BRINP3: variants seen among roughly 807,000 people sequenced by gnomAD.
BRINP3 encodes the protein BMP/retinoic acid inducible neural specific 3, also known as BMP/retinoic acid-inducible neural-specific protein 3.
Under a neutral mutation model 71.0 loss-of-function variants are expected in BRINP3, and 19 were observed. The ratio of observed to expected loss-of-function variants is 0.27; its 90% CI spans 0.19 to 0.39. BRINP3 has a LOEUF of 0.39. BRINP3 is among the 10% of genes least tolerant of loss of function. The pLI, the probability that BRINP3 is intolerant of heterozygous loss-of-function variation, is 1.00. For missense variants in BRINP3, 959 were observed against 940.8 expected, an observed-to-expected ratio of 1.02 and a Z score of -0.25; for synonymous variants, 380 against 337.7, an observed-to-expected ratio of 1.13 and a Z score of -1.37.
intron 6 of BRINP3, among the ~76,000 whole-genome samples, chr1:190,166,061 G>A (rs987622016): frequency 9.2e-5 from 14 of 152,102 alleles, no homozygotes; most frequent in Non-Finnish European, 1.9e-4. Context: ...AATATCTACA[G>A]TAAATCACTG....
intron 7 of BRINP3, among the ~76,000 whole-genome samples, chr1:190,121,242 A>T (rs1174176391): frequency 6.6e-6 from 1 of 152,156 alleles, no homozygotes; most frequent in African/African-American, 2.4e-5. Flanking sequence ...CTGTACTGGT[A>T]CGGTATAACA....
intron 2 of BRINP3, among the ~76,000 whole-genome samples, chr1:190,407,236 T>G (rs1312202070): frequency 6.6e-6 from 1 of 152,148 alleles, no homozygotes; most frequent in African/African-American, 2.4e-5. Flanking sequence ...CAGAATCTCT[T>G]TGATCATTAT....
chr1:190,381,030 A>T (rs920429318), intron 2 of BRINP3, among the ~76,000 whole-genome samples: 3 of 152,114 alleles, frequency 2.0e-5, no homozygotes, highest in Non-Finnish European at 4.4e-5. Flanking sequence ...GACTTCTTCA[A>T]GGTTACACTG....
intron 2 of BRINP3, among the ~76,000 whole-genome samples, chr1:190,292,378 G>A (rs2102970595): frequency 6.6e-6 from 1 of 152,258 alleles, no homozygotes; most frequent in Non-Finnish European, 1.5e-5. Flanking sequence ...TGACAACTGG[G>A]CACAGTCGCT....
intron 2 of BRINP3, among the ~76,000 whole-genome samples, chr1:190,398,917 C>A (rs1411155345): frequency 6.6e-6 from 1 of 151,942 alleles, no homozygotes; most frequent in Admixed American, 6.6e-5. Flanking sequence ...TGATCCATCT[C>A]TTCCCAGTAC....
intron 2 of BRINP3, among the ~76,000 whole-genome samples, chr1:190,327,326 C>CAAAAAAAAAAAAAAAGAAAA (rs1666652021): frequency 2.3e-5 from 1 of 44,232 alleles, no homozygotes; most frequent in Non-Finnish European, 4.8e-5. Flanking sequence ...AAAAAAAGAA[C>CAAAAAAAAAAAAAAAGAAAA]AAAAAAAAAA....
chr1:190,420,876 G>A lies in BRINP3; in HGVS notation c.236+33779C>T, dbSNP rs1273600884. Among the ~76,000 whole-genome samples the A allele has an allele frequency of 3.3e-5, 5 of 151,654 alleles. No homozygotes were observed. In the South Asian group the frequency reaches 8.3e-4, roughly 25 times the overall value. ...AAGACAATGTTTCCAGGGAGATTTC[G>A]GCTCTTCCATAATCTAAAGGTTTCT... On this transcript the variant is annotated intron_variant, in intron 2 of 7. Transcript: ENST00000367462.
intron 2 of BRINP3, among the ~76,000 whole-genome samples, chr1:190,408,632 CTT>C (rs1404847101): frequency 6.6e-6 from 1 of 152,042 alleles, no homozygotes; most frequent in Non-Finnish European, 1.5e-5. Context: ...GGTTTGTATA[CTT>C]TTTTACTTTT....
At chr1:190,369,521 A>G (rs1410015463) in intron 2 of BRINP3, among the ~76,000 whole-genome samples, 1 of 152,164 alleles carries the variant, frequency 6.6e-6, no homozygotes, top group Non-Finnish European at 1.5e-5. Flanking sequence ...GAAAAATTTT[A>G]GAATATTGAA....
chr1:190,245,088 T>C (rs769545153), intron 4 of BRINP3, among the ~76,000 whole-genome samples: 6 of 151,966 alleles, frequency 3.9e-5, no homozygotes, highest in Admixed American at 3.3e-4. Context: ...ACTGAGGCCG[T>C]CATATTCTTA....
At chr1:190,460,911 A>G (rs1419864476) in intron 1 of BRINP3, among the ~76,000 whole-genome samples, 1 of 151,912 alleles carries the variant, frequency 6.6e-6, no homozygotes, top group East Asian at 1.9e-4. Context: ...CTCCACCCCC[A>G]TTTTACTTGA....
chr1:190,175,001 GA>G (rs1412495142), intron 6 of BRINP3, among the ~76,000 whole-genome samples: 1 of 152,034 alleles, frequency 6.6e-6, no homozygotes, highest in Non-Finnish European at 1.5e-5. Flanking sequence ...CCTTTGTGAA[GA>G]ACCCTGAGAG....
chr1:190,248,985 G>C (rs2102805343), intron 4 of BRINP3, among the ~76,000 whole-genome samples: 1 of 151,806 alleles, frequency 6.6e-6, no homozygotes, highest in South Asian at 2.1e-4. Context: ...TTCTTTAGAG[G>C]CTTATAGTGA....
chr1:190,377,548 A>AAT (rs150192290), intron 2 of BRINP3, among the ~76,000 whole-genome samples: 26,545 of 145,928 alleles, frequency 0.18, 2,483 homozygotes, highest in African/African-American at 0.24. Context: ...CAGAGGAAAT[A>AAT]ATATATATAT....
chr1:190,199,156 T>C (rs955340236), intron 6 of BRINP3, among the ~76,000 whole-genome samples: 3 of 152,122 alleles, frequency 2.0e-5, no homozygotes, highest in African/African-American at 7.2e-5. Flanking sequence ...TTCATGATCA[T>C]GAGAACAGCA....
At chr1:190,226,622 A>G (rs539345204) in intron 5 of BRINP3, among the ~76,000 whole-genome samples, 1 of 152,076 alleles carries the variant, frequency 6.6e-6, no homozygotes, top group African/African-American at 2.4e-5. Flanking sequence ...CATAATATAG[A>G]TGGAGCCTAT....
chr1:190,474,154 C>T (rs954188848), intron 1 of BRINP3, among the ~76,000 whole-genome samples: 1 of 152,180 alleles, frequency 6.6e-6, no homozygotes, highest in African/African-American at 2.4e-5. Context: ...ATTTCTTCCT[C>T]TAACCTTGGT....
intron 2 of BRINP3, among the ~76,000 whole-genome samples, chr1:190,323,717 T>C (rs953700085): frequency 2.6e-5 from 4 of 151,716 alleles, no homozygotes; most frequent in Non-Finnish European, 5.9e-5. Context: ...AAGACAAACA[T>C]GACAAGCATG....
intron 2 of BRINP3, among the ~76,000 whole-genome samples, chr1:190,286,169 T>G (rs973386023): frequency 1.3e-5 from 2 of 152,184 alleles, no homozygotes; most frequent in African/African-American, 2.4e-5. Context: ...ATTTGTTTAT[T>G]AGAGTTTTAT....
Sources: allele counts gnomAD v4.1 joint callset (sites outside exome capture counted in the v4.1 genomes callset), GRCh38; gene constraint gnomAD v4.1.1; transcripts MANE v1.5; gene names NCBI Gene and HGNC (gene_info 2026-07-23, HGNC 2026-07-21).